Variants in MB21D2 observed in about 807,000 individuals in gnomAD.
MB21D2 encodes the protein nucleotidyltransferase MB21D2.
A neutral mutation model predicts 33.3 loss-of-function variants in MB21D2; 9 were observed. That is an observed-to-expected ratio of 0.27 (90% CI 0.16 to 0.47). The LOEUF (loss-of-function observed/expected upper bound fraction) is 0.47, where lower values mean the gene tolerates loss of function less well. Among genes scored for constraint, MB21D2 ranks in the 20% least tolerant of loss-of-function variants. The probability of loss-of-function intolerance (pLI) is 0.99; values close to 1 mark genes in which losing one functional copy is unlikely to be tolerated. For synonymous variants in MB21D2, 241 were observed against 236.3 expected (o/e 1.02, Z -0.18); for missense variants, 540 against 624.6 (o/e 0.86, Z 1.44).
At chr3:192,878,081 C>CTTTTTTTT (rs11294126) in intron 1 of MB21D2, among the ~76,000 whole-genome samples, 4 of 119,528 alleles carry the variant, frequency 3.3e-5, no homozygotes, top group South Asian at 2.6e-4. Flanking sequence ...AATTCCTCCT[C>CTTTTTTTT]TTTTTTTTTT....
chr3:192,808,837 T>C (rs908338109), intron 1 of MB21D2, among the ~76,000 whole-genome samples: 7 of 152,264 alleles, frequency 4.6e-5, no homozygotes, highest in African/African-American at 1.7e-4. Flanking sequence ...ATTTGTAAAC[T>C]GCAGCCCTGC....
At chr3:192,870,635 T>C (rs9831573) in intron 1 of MB21D2, among the ~76,000 whole-genome samples, 87,287 of 145,944 alleles carry the variant, frequency 0.6, 27,184 homozygotes, top group African/African-American at 0.78. Flanking sequence ...CACTGGAACC[T>C]GGGAGGTGGA....
intron 1 of MB21D2, among the ~76,000 whole-genome samples, chr3:192,858,751 C>T (rs974131925): frequency 6.6e-6 from 1 of 152,190 alleles, no homozygotes; most frequent in African/African-American, 2.4e-5. Context: ...TAACTGCTCA[C>T]AATCTACTTG....
intron 1 of MB21D2, among the ~76,000 whole-genome samples, chr3:192,887,077 G>A (rs949707598): frequency 6.6e-6 from 1 of 152,070 alleles, no homozygotes. Flanking sequence ...AGAAGACGCT[G>A]AACCAAATTC....
chr3:192,889,807 C>T (rs1054324243), intron 1 of MB21D2, among the ~76,000 whole-genome samples: 1 of 152,086 alleles, frequency 6.6e-6, no homozygotes, highest in Admixed American at 6.5e-5. Flanking sequence ...TAACTCTTAT[C>T]ACTGCTGGGA....
chr3:192,807,774 G>A (rs779682002), intron 1 of MB21D2, among the ~76,000 whole-genome samples: 33 of 152,164 alleles, frequency 2.2e-4, no homozygotes, highest in Non-Finnish European at 4.7e-4. Context: ...AGACACTGAA[G>A]AGACAAAGGT....
chr3:192,856,846 C>T (rs1712929069), intron 1 of MB21D2, among the ~76,000 whole-genome samples: 2 of 152,144 alleles, frequency 1.3e-5, no homozygotes, highest in South Asian at 4.1e-4. Flanking sequence ...AGCCACTGTG[C>T]CTGGCCAAAT....
chr3:192,810,781 T>C (rs1179560331), intron 1 of MB21D2, among the ~76,000 whole-genome samples: 1 of 152,130 alleles, frequency 6.6e-6, no homozygotes, highest in Non-Finnish European at 1.5e-5. Context: ...TCTAAAGACT[T>C]TTTAAGTATA....
At chr3:192,889,660 G>C (rs1713808326) in intron 1 of MB21D2, among the ~76,000 whole-genome samples, 1 of 151,876 alleles carries the variant, frequency 6.6e-6, no homozygotes, top group African/African-American at 2.4e-5. Flanking sequence ...AGTTTCCAGA[G>C]GCTTGTTCCA....
chr3:192,895,769 G>C (rs1054165670), intron 1 of MB21D2, among the ~76,000 whole-genome samples: 5 of 152,018 alleles, frequency 3.3e-5, no homozygotes, highest in African/African-American at 1.2e-4. Flanking sequence ...CTCTCACTGT[G>C]TTGTCCCGGC....
At chr3:192,893,609 C>T (rs1577198951) in intron 1 of MB21D2, among the ~76,000 whole-genome samples, 1 of 152,218 alleles carries the variant, frequency 6.6e-6, no homozygotes, top group Non-Finnish European at 1.5e-5. Flanking sequence ...CTTAACAATT[C>T]TCAGCACTTA....
intron 1 of MB21D2, among the ~76,000 whole-genome samples, chr3:192,915,258 T>A (rs937911448): frequency 3.9e-5 from 6 of 152,110 alleles, no homozygotes; most frequent in African/African-American, 1.4e-4. Context: ...GAGACTTCAT[T>A]TGCATAGTCA....
chr3:192,897,259 T>G (rs960991354), intron 1 of MB21D2, among the ~76,000 whole-genome samples: 2 of 152,102 alleles, frequency 1.3e-5, no homozygotes, highest in African/African-American at 4.8e-5. Flanking sequence ...AACAGAACGG[T>G]TGCATAGCTT....
chr3:192,886,426 A>G (rs1713734414), intron 1 of MB21D2, among the ~76,000 whole-genome samples: 1 of 152,146 alleles, frequency 6.6e-6, no homozygotes, highest in Non-Finnish European at 1.5e-5. Flanking sequence ...AACACACAAC[A>G]GAATTAATAC....
chr3:192,825,114 G>C (rs1395586922), intron 1 of MB21D2, among the ~76,000 whole-genome samples: 1 of 152,172 alleles, frequency 6.6e-6, no homozygotes, highest in Non-Finnish European at 1.5e-5. Flanking sequence ...CAGCTCTCGA[G>C]AATCGAGGTC....
intron 1 of MB21D2, among the ~76,000 whole-genome samples, chr3:192,851,479 T>A (rs546506529): frequency 6.8e-6 from 1 of 147,926 alleles, no homozygotes; most frequent in East Asian, 2.0e-4. Context: ...ATTGTACACT[T>A]TTTTTTTGTC....
At chr3:192,891,349 A>G (rs1383335860) in intron 1 of MB21D2, among the ~76,000 whole-genome samples, 1 of 152,220 alleles carries the variant, frequency 6.6e-6, no homozygotes, top group African/African-American at 2.4e-5. Flanking sequence ...TAATTAATGT[A>G]ATAGAACAAG....
intron 1 of MB21D2, among the ~76,000 whole-genome samples, chr3:192,849,206 A>G (rs927780508): frequency 2.6e-5 from 4 of 151,656 alleles, no homozygotes; most frequent in Non-Finnish European, 5.9e-5. Context: ...CTTGCCTCCC[A>G]GCCTGTTACT....
chr3:192,841,474 G>A (rs57557694), intron 1 of MB21D2, among the ~76,000 whole-genome samples: 10,863 of 152,270 alleles, frequency 0.071, 1,292 homozygotes, highest in African/African-American at 0.25. Flanking sequence ...ACTCACTTTA[G>A]AAAAGCCATC....
Sources: gnomAD v4.1 joint callset for allele counts (sites outside exome capture counted in the v4.1 genomes callset) on GRCh38, gnomAD v4.1.1 for gene constraint, MANE v1.5 for transcripts, NCBI Gene and HGNC (gene_info 2026-07-23, HGNC 2026-07-21) for gene names.